NOL4: variants seen among roughly 807,000 people sequenced by gnomAD.
NOL4 encodes cancer/testis antigen 125.
In NOL4, 17 loss-of-function variants were observed where a neutral mutation model predicts 75.9. The ratio of observed to expected loss-of-function variants is 0.22; its 90% CI spans 0.15 to 0.34. The LOEUF (loss-of-function observed/expected upper bound fraction) is 0.34, where lower values mean the gene tolerates loss of function less well. Among genes scored for constraint, NOL4 ranks in the 10% least tolerant of loss-of-function variants. The pLI is 1.00. For synonymous variants in NOL4, 292 were observed against 289.9 expected (o/e 1.01, Z -0.07); for missense variants, 614 against 793.5 (o/e 0.77, Z 2.72).
intron 5 of NOL4, among the ~76,000 whole-genome samples, chr18:34,037,786 A>G (rs1368450235): frequency 6.6e-6 from 1 of 152,144 alleles, no homozygotes; most frequent in South Asian, 2.1e-4. Context: ...ACTTACACTT[A>G]CCCAAAATTA....
At chr18:34,076,197 C>G (rs1432375979) in intron 5 of NOL4, among the ~76,000 whole-genome samples, 1 of 152,136 alleles carries the variant, frequency 6.6e-6, no homozygotes, top group Non-Finnish European at 1.5e-5. Context: ...TCCCTCTCCC[C>G]TACGCAAATG....
At chr18:34,071,679 G>C (rs2077524638) in intron 5 of NOL4, among the ~76,000 whole-genome samples, 1 of 151,980 alleles carries the variant, frequency 6.6e-6, no homozygotes, top group Non-Finnish European at 1.5e-5. Context: ...ACCAGCTGTG[G>C]GCTAATATAA....
rs570867140 is a variant in NOL4, at chr18:34,191,042, T to C, written c.264+31948A>G. 2.6e-5 allele frequency among the ~76,000 whole-genome samples: 4 copies of C among 152,174 alleles called. No homozygotes were observed. In the South Asian group the frequency reaches 8.3e-4, roughly 32 times the overall value. The stretch of plus-strand genomic sequence containing the variant: ...AATCACTGAATAAGCAAATAAACTT[T>C]AGTTTGAAATTGTAGAACAGAAAGT... On this transcript the variant is annotated intron_variant, in intron 1 of 10. Coordinates refer to ENST00000261592, the MANE Select transcript of NOL4 (RefSeq NM_003787.5).
chr18:34,198,478 A>G (rs1339676845), intron 1 of NOL4, among the ~76,000 whole-genome samples: 1 of 151,898 alleles, frequency 6.6e-6, no homozygotes, highest in South Asian at 2.1e-4. Context: ...GCTTTTAAAA[A>G]TTCCCATTAT....
intron 9 of NOL4, among the ~76,000 whole-genome samples, chr18:33,905,068 C>T (rs1415122480): frequency 2.2e-4 from 34 of 152,148 alleles, no homozygotes; most frequent in Non-Finnish European, 1.0e-4. Flanking sequence ...CTCAAGTATG[C>T]TCAAATTGAA....
chr18:34,004,317 A>T (rs1259437278), intron 6 of NOL4, among the ~76,000 whole-genome samples: 1 of 152,082 alleles, frequency 6.6e-6, no homozygotes, highest in East Asian at 1.9e-4. Context: ...AGCTCGCCCA[A>T]GGCTGTGCCA....
At chr18:34,174,108 A>G (rs2033313009) in intron 1 of NOL4, among the ~76,000 whole-genome samples, 1 of 152,182 alleles carries the variant, frequency 6.6e-6, no homozygotes, top group Non-Finnish European at 1.5e-5. Flanking sequence ...GTGGATAATG[A>G]CTGGCAAACT....
intron 10 of NOL4, among the ~76,000 whole-genome samples, chr18:33,866,621 A>C (rs2063441003): frequency 6.6e-6 from 1 of 152,166 alleles, no homozygotes; most frequent in African/African-American, 2.4e-5. Flanking sequence ...TATTTTGTGG[A>C]GACCTAACTA....
chr18:34,192,492 G>A (rs752582432), intron 1 of NOL4, among the ~76,000 whole-genome samples: 15 of 152,072 alleles, frequency 9.9e-5, no homozygotes, highest in Non-Finnish European at 1.5e-5. Flanking sequence ...AAACAGTATG[G>A]TACTGGTAAT....
chr18:34,071,296 G>A (rs1477276459), intron 5 of NOL4, among the ~76,000 whole-genome samples: 1 of 152,090 alleles, frequency 6.6e-6, no homozygotes, highest in Non-Finnish European at 1.5e-5. Context: ...ATATGGTGAA[G>A]TATGAATTCA....
chr18:34,022,121 T>TA lies in NOL4; in HGVS notation c.773-2521dup, dbSNP rs1034922255. On this transcript the variant is annotated intron_variant, in intron 5 of 10. Coordinates refer to ENST00000261592, the MANE Select transcript of NOL4 (RefSeq NM_003787.5). ...CTGCATCTCAAAAAAAATAAATAAA[T>TA]AAATAAAATAAAATAAAAAATATAA... is the stretch of plus-strand genomic sequence containing the variant. 9.3e-5 allele frequency among the ~76,000 whole-genome samples: 14 copies of TA among 150,736 alleles called. No homozygotes were observed. In the South Asian group the frequency reaches 1.9e-3, roughly 20 times the overall value.
intron 1 of NOL4, among the ~76,000 whole-genome samples, chr18:34,182,148 G>A (rs1268722368): frequency 6.6e-6 from 1 of 151,528 alleles, no homozygotes; most frequent in Non-Finnish European, 1.5e-5. Flanking sequence ...CTGAAAAATG[G>A]AAACAACTCA....
intron 1 of NOL4, among the ~76,000 whole-genome samples, chr18:34,206,992 C>T (rs893812121): frequency 2.0e-5 from 3 of 151,994 alleles, no homozygotes; most frequent in African/African-American, 7.2e-5. Context: ...CATCTCCATT[C>T]TACTTTTGAG....
At chr18:34,010,084 C>T (rs2074284534) in intron 6 of NOL4, among the ~76,000 whole-genome samples, 1 of 151,710 alleles carries the variant, frequency 6.6e-6, no homozygotes. Context: ...CCTAAGATCG[C>T]CATTTTAAAA....
At chr18:33,920,311 A>G (rs2066958483) in intron 9 of NOL4, among the ~76,000 whole-genome samples, 1 of 152,220 alleles carries the variant, frequency 6.6e-6, no homozygotes, top group Non-Finnish European at 1.5e-5. Context: ...ATCTTTAAAT[A>G]AATAAAACTC....
At chr18:34,062,846 T>A (rs1438937173) in intron 5 of NOL4, among the ~76,000 whole-genome samples, 1 of 152,128 alleles carries the variant, frequency 6.6e-6, no homozygotes, top group African/African-American at 2.4e-5. Context: ...CAGAATAAAA[T>A]GTCTTGAATA....
intron 8 of NOL4, among the ~76,000 whole-genome samples, chr18:33,945,084 CA>C (rs1306818654): frequency 6.6e-6 from 1 of 151,776 alleles, no homozygotes; most frequent in African/African-American, 2.4e-5. Flanking sequence ...TAGCATTATT[CA>C]AATAGGAGTG....
chr18:33,921,593 G>A (rs1597848), intron 9 of NOL4, among the ~76,000 whole-genome samples: 60 of 152,246 alleles, frequency 3.9e-4, no homozygotes, highest in Non-Finnish European at 7.5e-4. Flanking sequence ...CAGAAACAGG[G>A]ATTGGAATTT....
At chr18:33,920,204 G>A (rs559246435) in intron 9 of NOL4, among the ~76,000 whole-genome samples, 5 of 151,916 alleles carry the variant, frequency 3.3e-5, no homozygotes, top group African/African-American at 7.3e-5. Context: ...AGAGAGAGAC[G>A]AGACAGAAGG....
Sources: gnomAD v4.1 joint callset for allele counts (sites outside exome capture counted in the v4.1 genomes callset) on GRCh38, gnomAD v4.1.1 for gene constraint, MANE v1.5 for transcripts, NCBI Gene and HGNC (gene_info 2026-07-23, HGNC 2026-07-21) for gene names.